DCDC2C: variants seen among roughly 807,000 people sequenced by gnomAD.
The protein encoded by DCDC2C is doublecortin domain containing 2C.
A neutral mutation model predicts 45.0 loss-of-function variants in DCDC2C; 44 were observed. That is an observed-to-expected ratio of 0.98 (90% CI 0.77 to 1.26). The LOEUF (loss-of-function observed/expected upper bound fraction) is 1.26. Ranked by LOEUF, DCDC2C falls within the 50% of genes most tolerant of loss-of-function variation. The pLI, the probability that DCDC2C is intolerant of heterozygous loss-of-function variation, is 0.00. For missense variants in DCDC2C, 447 were observed against 468.9 expected (o/e 0.95, Z 0.43); for synonymous variants, 187 against 178.8 (o/e 1.05, Z -0.37).
chr2:3,755,734 G>C (rs1325891147), intron 6 of DCDC2C, among the ~76,000 whole-genome samples: 1 of 151,964 alleles, frequency 6.6e-6, no homozygotes, highest in Non-Finnish European at 1.5e-5. Flanking sequence ...TATGTTGTAT[G>C]GATGTGTGTA....
At chr2:3,791,262 T>G (rs1329977766) in intron 10 of DCDC2C, among the ~76,000 whole-genome samples, 1 of 152,204 alleles carries the variant, frequency 6.6e-6, no homozygotes, top group Non-Finnish European at 1.5e-5. Context: ...AAACACAAGG[T>G]ATTGCATTGG....
At position 3,703,825 on chromosome 2, in the gene DCDC2C, A is replaced by AC. The variant is rs1386840082; in HGVS notation, c.77dup (p.Phe27ValfsTer95). The stretch of plus-strand genomic sequence containing the variant: ...ACCATCGTGGTGTACCGCAACGGGG[A>AC]CCCGTTCTACGTGGGCAAGAAGTTC... On this transcript the variant is annotated frameshift_variant, in exon 1 of 11. Transcript: ENST00000399143. LOFTEE classifies it high-confidence loss of function. This position sits in a 1 kb window ranked among gnomAD's most constrained non-coding sequence, Gnocchi z 4.4. 3.2e-6 allele frequency: 4 copies of AC among 1,264,876 alleles called. No individual in the cohort carries two copies. Among genetic ancestry groups the AC allele is most frequent in the Non-Finnish European group, 4.0e-6 (4 of 1,001,010 alleles). 78.4% of individuals were successfully genotyped at this position (1,264,876 alleles called of 1,614,324 possible).
At chr2:3,792,304 G>T (rs1670833219) in intron 10 of DCDC2C, among the ~76,000 whole-genome samples, 1 of 152,212 alleles carries the variant, frequency 6.6e-6, no homozygotes, top group East Asian at 1.9e-4. Flanking sequence ...TGTGCATCCA[G>T]CCCCTGGTGT....
intron 9 of DCDC2C, among the ~76,000 whole-genome samples, chr2:3,782,619 C>A (rs567458812): frequency 0.011 from 1,621 of 152,200 alleles, 16 homozygotes; most frequent in Non-Finnish European, 0.019. Flanking sequence ...GCTGGGACTA[C>A]AGGCACCTGC....
At chr2:3,713,283 C>T (rs1280492556) in intron 2 of DCDC2C, among the ~76,000 whole-genome samples, 2 of 152,160 alleles carry the variant, frequency 1.3e-5, no homozygotes, top group African/African-American at 4.8e-5. Context: ...GCAGTGGCAG[C>T]GGAAGGCACC....
intron 10 of DCDC2C, among the ~76,000 whole-genome samples, chr2:3,807,355 G>A (rs78870267): frequency 0.03 from 4,542 of 152,278 alleles, 100 homozygotes; most frequent in Non-Finnish European, 0.05. Flanking sequence ...TGCCCAGGCA[G>A]GGGGCTGGAG....
intron 6 of DCDC2C, among the ~76,000 whole-genome samples, chr2:3,764,174 C>T (rs1289702673): frequency 6.6e-6 from 1 of 152,178 alleles, no homozygotes; most frequent in Non-Finnish European, 1.5e-5. Flanking sequence ...GTTTTGTGAA[C>T]TGCTTTGAGA....
At chr2:3,820,243 C>G (rs548899379) in intron 10 of DCDC2C, among the ~76,000 whole-genome samples, 1 of 152,056 alleles carries the variant, frequency 6.6e-6, no homozygotes, top group Non-Finnish European at 1.5e-5. Context: ...GAACAATTAT[C>G]GAGTTTGTAT....
intron 10 of DCDC2C, among the ~76,000 whole-genome samples, chr2:3,799,042 G>A (rs1233591081): frequency 3.9e-5 from 6 of 152,182 alleles, no homozygotes; most frequent in African/African-American, 1.2e-4. Context: ...TCACATAGTC[G>A]CATATTTCTT....
chr2:3,823,144 T>A (rs961189553), intron 10 of DCDC2C, among the ~76,000 whole-genome samples: 1 of 152,220 alleles, frequency 6.6e-6, no homozygotes, highest in Non-Finnish European at 1.5e-5. Context: ...TAAGCACTGC[T>A]CTAGTTGTAT....
At chr2:3,807,917 G>C (rs1671295078) in intron 10 of DCDC2C, among the ~76,000 whole-genome samples, 1 of 152,094 alleles carries the variant, frequency 6.6e-6, no homozygotes, top group Admixed American at 6.6e-5. Flanking sequence ...GCCTAGTAGT[G>C]CTCCATTTTA....
intron 2 of DCDC2C, among the ~76,000 whole-genome samples, chr2:3,716,195 C>T (rs1668346270): frequency 1.3e-5 from 2 of 152,074 alleles, no homozygotes; most frequent in African/African-American, 4.8e-5. Flanking sequence ...TGAATTCACG[C>T]TGGGAGTCAG....
chr2:3,754,335 A>G (rs1669624279), intron 5 of DCDC2C, among the ~76,000 whole-genome samples: 1 of 152,258 alleles, frequency 6.6e-6, no homozygotes. Context: ...CAAAGGCAGC[A>G]GGTAGACAGG....
At chr2:3,804,648 A>G (rs1162818340) in intron 10 of DCDC2C, among the ~76,000 whole-genome samples, 1 of 152,216 alleles carries the variant, frequency 6.6e-6, no homozygotes, top group Non-Finnish European at 1.5e-5. Flanking sequence ...CCTTTATCCT[A>G]TAGAAAAGGA....
intron 10 of DCDC2C, 46 bp downstream of exon 10, chr2:3,785,146 AAGAC>A: frequency 8.2e-7 from 1 of 1,216,832 alleles, no homozygotes; most frequent in Non-Finnish European, 1.0e-6. Context: ...TTCTATTCTG[AAGAC>A]AGACCTAACA....
chr2:3,802,088 G>C (rs1452636201), intron 10 of DCDC2C, among the ~76,000 whole-genome samples: 1 of 152,206 alleles, frequency 6.6e-6, no homozygotes, highest in Non-Finnish European at 1.5e-5. Context: ...TTCCTGTGTG[G>C]AGATGAAGTG....
intron 8 of DCDC2C, among the ~76,000 whole-genome samples, chr2:3,773,903 A>C: frequency 6.6e-6 from 1 of 152,142 alleles, no homozygotes; most frequent in Non-Finnish European, 1.5e-5. Context: ...GTCCATTTCT[A>C]CTCTTCTAAA....
intron 10 of DCDC2C, among the ~76,000 whole-genome samples, chr2:3,820,755 G>A (rs1185878265): frequency 6.6e-6 from 1 of 152,166 alleles, no homozygotes; most frequent in African/African-American, 2.4e-5. Flanking sequence ...GGGAGAGAGG[G>A]AGATTGAAGG....
chr2:3,792,354 C>T (rs1380474038), intron 10 of DCDC2C, among the ~76,000 whole-genome samples: 1 of 152,108 alleles, frequency 6.6e-6, no homozygotes, highest in Non-Finnish European at 1.5e-5. Flanking sequence ...CACGAGTGGC[C>T]CCTTGTCCTA....
Sources: gnomAD v4.1 joint callset for allele counts (sites outside exome capture counted in the v4.1 genomes callset) on GRCh38, gnomAD v4.1.1 for gene constraint, Gnocchi (gnomAD v3.1) non-coding constraint, MANE v1.5 for transcripts, NCBI Gene and HGNC (gene_info 2026-07-23, HGNC 2026-07-21) for gene names.